The following FLT1 variants were observed in gnomAD, a reference collection of about 807,000 sequenced individuals.
FLT1 encodes vascular endothelial growth factor receptor 1.
Under a neutral mutation model 156.3 loss-of-function variants are expected in FLT1, and 49 were observed. That is an observed-to-expected ratio of 0.31 (90% CI 0.25 to 0.40). The LOEUF (loss-of-function observed/expected upper bound fraction) is 0.40. FLT1 is among the 10% of genes least tolerant of loss of function. The pLI, the probability that FLT1 is intolerant of heterozygous loss-of-function variation, is 1.00. For missense variants in FLT1, 1,322 were observed against 1,637.2 expected (o/e 0.81, Z 3.32); for synonymous variants, 594 against 583.8 (o/e 1.02, Z -0.25).
At chr13:28,460,335 A>G (rs1173267598) in intron 3 of FLT1, among the ~76,000 whole-genome samples, 1 of 152,214 alleles carries the variant, frequency 6.6e-6, no homozygotes, top group Non-Finnish European at 1.5e-5. Flanking sequence ...AAAAATACTT[A>G]CAAATCTGTG....
chr13:28,312,195 A>G, intron 25 of FLT1, 97 bp from the exon 26 acceptor site: 3 of 816,614 alleles, frequency 3.7e-6, no homozygotes, highest in Non-Finnish European at 6.4e-6. Context: ...TCATCCGCAT[A>G]AAGCCCAAGC....
chr13:28,305,017 A>G (rs2138804501), intron 29 of FLT1, among the ~76,000 whole-genome samples: 1 of 152,256 alleles, frequency 6.6e-6, no homozygotes, highest in South Asian at 2.1e-4. Flanking sequence ...TGCTGTGGAC[A>G]TCAGTTTTCA....
chr13:28,379,550 G>A (rs1873987566), intron 14 of FLT1, among the ~76,000 whole-genome samples: 1 of 152,188 alleles, frequency 6.6e-6, no homozygotes, highest in African/African-American at 2.4e-5. Context: ...GCCCTGAGAA[G>A]CCTGACAGCG....
At chr13:28,456,795 CAAA>C (rs34237824) in intron 3 of FLT1, among the ~76,000 whole-genome samples, 2 of 129,810 alleles carry the variant, frequency 1.5e-5, no homozygotes, top group African/African-American at 2.7e-5. Flanking sequence ...GACTCCCTCT[CAAA>C]AAAAAAAAAA....
At chr13:28,362,609 A>G (rs1873150876) in intron 14 of FLT1, among the ~76,000 whole-genome samples, 1 of 152,128 alleles carries the variant, frequency 6.6e-6, no homozygotes, top group Non-Finnish European at 1.5e-5. Context: ...GCTTGAGCCT[A>G]GGAGTTCGAG....
chr13:28,318,364 G>T (rs1055623508), intron 24 of FLT1, among the ~76,000 whole-genome samples: 8 of 152,074 alleles, frequency 5.3e-5, no homozygotes, highest in African/African-American at 1.9e-4. Context: ...CGCCAGAGAG[G>T]CCTAGGCTTT....
chr13:28,397,188 A>ATAGG, intron 11 of FLT1, 120 bp from the exon 12 acceptor site: 2 of 697,552 alleles, frequency 2.9e-6, no homozygotes, highest in Admixed American at 4.3e-5. Flanking sequence ...AGAGTATTGC[A>ATAGG]TAGGTGGTGG....
intron 3 of FLT1, among the ~76,000 whole-genome samples, chr13:28,465,964 A>G (rs181063909): frequency 6.6e-5 from 10 of 152,256 alleles, no homozygotes; most frequent in Non-Finnish European, 1.2e-4. Flanking sequence ...ATATTTAGCT[A>G]TTGATGCTGA....
chr13:28,365,589 T>A (rs1873262120), intron 14 of FLT1, among the ~76,000 whole-genome samples: 1 of 152,138 alleles, frequency 6.6e-6, no homozygotes, highest in African/African-American at 2.4e-5. Flanking sequence ...TGACCTCAAG[T>A]GATTCGCCAA....
At chr13:28,449,806 TTTTTG>T (rs1054209176) in intron 3 of FLT1, among the ~76,000 whole-genome samples, 1 of 152,214 alleles carries the variant, frequency 6.6e-6, no homozygotes, top group Non-Finnish European at 1.5e-5. Context: ...AAGACATTGC[TTTTTG>T]TTTTGTTTTG....
chr13:28,336,128 C>T lies in FLT1; in HGVS notation c.2489-1999G>A, dbSNP rs147864136. On this transcript the variant is annotated intron_variant, in intron 17 of 29. Coordinates refer to ENST00000282397, the MANE Select transcript of FLT1 (RefSeq NM_002019.4). The stretch of plus-strand genomic sequence containing the variant: ...TTTGGGGCAGGTGGCATCCTTTGCA[C>T]TTTCCATAGTTTCAGCCCCCACATC... 7.9e-3 allele frequency among the ~76,000 whole-genome samples: 1,207 copies of T among 152,330 alleles called. 9 individuals are homozygous for T. The highest frequency in any genetic ancestry group is 0.013 in the Non-Finnish European group (867 of 68,036).
At chr13:28,312,397 T>C (rs527477299) in intron 25 of FLT1, among the ~76,000 whole-genome samples, 1 of 152,100 alleles carries the variant, frequency 6.6e-6, no homozygotes, top group South Asian at 2.1e-4. Context: ...AAGGTCTGAG[T>C]TCTGTGAATG....
chr13:28,303,408 G>C (rs747756849), intron 29 of FLT1, 40 bp from the exon 30 acceptor site: 1 of 1,578,776 alleles, frequency 6.3e-7, no homozygotes, highest in East Asian at 2.3e-5. Flanking sequence ...TTCAAAATTG[G>C]TTTTTTAGAA....
intron 18 of FLT1, among the ~76,000 whole-genome samples, chr13:28,332,681 G>A (rs1871976992): frequency 6.6e-6 from 1 of 152,228 alleles, no homozygotes; most frequent in Admixed American, 6.5e-5. Context: ...CTGAGCAGCT[G>A]TGTGGCCTTG....
intron 18 of FLT1, 115 bp from the exon 19 acceptor site, chr13:28,329,843 C>T: frequency 1.2e-6 from 1 of 819,376 alleles, no homozygotes; most frequent in African/African-American, 1.7e-5. Context: ...TCACTAACTT[C>T]CCCACATTCT....
intron 14 of FLT1, among the ~76,000 whole-genome samples, chr13:28,360,557 G>T (rs1260282390): frequency 1.3e-5 from 2 of 152,176 alleles, no homozygotes; most frequent in African/African-American, 4.8e-5. Context: ...GAACCTAGAG[G>T]ACATTATGTT....
intron 17 of FLT1, 58 bp downstream of exon 17, chr13:28,339,110 T>A: frequency 6.5e-7 from 1 of 1,546,904 alleles, no homozygotes; most frequent in Non-Finnish European, 8.9e-7. Context: ...AAGCACAGTG[T>A]TTTTCATGTA....
chr13:28,302,840 T>C lies in FLT1; in HGVS notation c.*327A>G. ...GGTACGTGATGCATTGGGTGATCAG[T>C]GCAGCTCCTCAATCAAACTGGTCCT... On this transcript the variant is annotated 3_prime_UTR_variant, in exon 30 of 30. Coordinates refer to ENST00000282397, the MANE Select transcript of FLT1 (RefSeq NM_002019.4). The C allele has an allele frequency of 2.3e-6, 1 of 436,084 alleles. No homozygotes were observed. Among genetic ancestry groups the C allele is most frequent in the South Asian group, 2.4e-5 (1 of 41,934 alleles). 27.0% of individuals were successfully genotyped at this position (436,084 alleles called of 1,614,324 possible).
At chr13:28,452,643 C>A (rs182271171) in intron 3 of FLT1, among the ~76,000 whole-genome samples, 3 of 152,116 alleles carry the variant, frequency 2.0e-5, no homozygotes, top group African/African-American at 7.2e-5. Context: ...AGTTGTTCTG[C>A]CATCTAGGAT....
Sources: allele counts gnomAD v4.1 joint callset (sites outside exome capture counted in the v4.1 genomes callset), GRCh38; gene constraint gnomAD v4.1.1; transcripts MANE v1.5; gene names NCBI Gene and HGNC (gene_info 2026-07-23, HGNC 2026-07-21).